Variants in KLF7 observed in about 807,000 individuals in gnomAD.
The protein encoded by KLF7 is KLF transcription factor 7.
Under a neutral mutation model 27.3 loss-of-function variants are expected in KLF7, and 2 were observed. The observed-to-expected ratio is 0.07, with a 90% CI of 0.03 to 0.23. The LOEUF is 0.23. Ranked by LOEUF, KLF7 falls within the 10% of genes least tolerant of loss-of-function variation. The probability of loss-of-function intolerance (pLI) is 1.00; values close to 1 mark genes in which losing one functional copy is unlikely to be tolerated. For synonymous variants in KLF7, 165 were observed against 162.4 expected, an observed-to-expected ratio of 1.02 and a Z score of -0.12; for missense variants, 221 against 394.1, an observed-to-expected ratio of 0.56 and a Z score of 3.72.
intron 1 of KLF7, 40 bp downstream of exon 1, chr2:207,165,427 C>A: frequency 2.5e-6 from 4 of 1,613,332 alleles, no homozygotes; most frequent in Non-Finnish European, 3.4e-6. Context: ...GCGTCTCCGC[C>A]GCCACCACAC....
chr2:207,098,164 G>A (rs2076676520), intron 2 of KLF7, among the ~76,000 whole-genome samples: 1 of 151,690 alleles, frequency 6.6e-6, no homozygotes, highest in Admixed American at 6.6e-5. Context: ...ATTTTACTTT[G>A]TTTTTGTTCT....
In KLF7 at chr2:207,074,384, C is replaced by A. The variant is rs975738875; in HGVS notation, c.*6829G>T. ...GCTGGGTTCTCTACCTTCCTCCTTA[C>A]TGGTGATGCTCTTTCCTGGAAGTCG... On this transcript the variant is annotated 3_prime_UTR_variant, in exon 4 of 4. Transcript: ENST00000309446. 1 of 152,248 alleles carries A rather than the reference C, an allele frequency of 6.6e-6. No homozygotes were observed. Among genetic ancestry groups the A allele is most frequent in the Non-Finnish European group, 1.5e-5 (1 of 68,092 alleles). 9.4% of individuals were successfully genotyped at this position (152,248 alleles called of 1,614,324 possible).
At chr2:207,146,153 A>C (rs1468827990) in intron 1 of KLF7, among the ~76,000 whole-genome samples, 1 of 152,224 alleles carries the variant, frequency 6.6e-6, no homozygotes, top group Non-Finnish European at 1.5e-5. Flanking sequence ...AGGTGAATAC[A>C]TAAAGCACAA....
chr2:207,106,613 T>C (rs2076889836), intron 2 of KLF7, among the ~76,000 whole-genome samples: 1 of 152,196 alleles, frequency 6.6e-6, no homozygotes, highest in Non-Finnish European at 1.5e-5. Flanking sequence ...CCTTTCTCCA[T>C]GAAGTTCCCC....
chr2:207,142,935 A>C (rs1193957931), intron 1 of KLF7, among the ~76,000 whole-genome samples: 1 of 152,200 alleles, frequency 6.6e-6, no homozygotes, highest in Non-Finnish European at 1.5e-5. Context: ...GTTTCTCTAG[A>C]TCTTCAGTGA....
chr2:207,143,777 G>A (rs1461094638), intron 1 of KLF7, among the ~76,000 whole-genome samples: 1 of 152,146 alleles, frequency 6.6e-6, no homozygotes, highest in African/African-American at 2.4e-5. Flanking sequence ...GACAAAATGT[G>A]CAGGCACATT....
chr2:207,124,089 A>T lies in KLF7; in HGVS notation c.418T>A (p.Ser140Thr). ...LNAVTSLTPP[S>T]SPELSRHLVK... ...AGATGGCGGCTGAGCTCAGGGGACG[A>T]TGGGGGCGTTAATGAGGTCACTGCG... The change falls in exon 2 of 4, where the codon TCG becomes ACG. Residue 140 changes from serine to threonine, a missense_variant. Ser to Thr is a moderately conservative substitution (Grantham distance 58). This residue lies in a region of KLF7 where 180 missense variants were observed against 227.9 expected (regional missense o/e 0.79). Coordinates refer to ENST00000309446, the MANE Select transcript of KLF7 (RefSeq NM_003709.4). 2 of 1,614,086 alleles carry T rather than the reference A, an allele frequency of 1.2e-6. No individual in the cohort carries two copies. Among genetic ancestry groups the T allele is most frequent in the Non-Finnish European group, 1.7e-6 (2 of 1,180,012 alleles).
At chr2:207,128,961 TTTAGA>T (rs61262639) in intron 1 of KLF7, among the ~76,000 whole-genome samples, 5,767 of 152,186 alleles carry the variant, frequency 0.038, 352 homozygotes, top group African/African-American at 0.13. Flanking sequence ...AAAGGAAGTG[TTTAGA>T]TTAGTTAATG....
At chr2:207,165,428 GCCA>G (rs760560576) in intron 1 of KLF7, 36 bp downstream of exon 1, 1 of 1,613,168 alleles carries the variant, frequency 6.2e-7, no homozygotes, top group Non-Finnish European at 8.5e-7. Context: ...CGTCTCCGCC[GCCA>G]CCACACGATT....
At chr2:207,106,092 C>T (rs1401099834) in intron 2 of KLF7, among the ~76,000 whole-genome samples, 2 of 152,056 alleles carry the variant, frequency 1.3e-5, no homozygotes, top group Non-Finnish European at 2.9e-5. Context: ...TTTAAATGTG[C>T]ATGCTAGAAA....
At chr2:207,134,806 G>T (rs915891277) in intron 1 of KLF7, among the ~76,000 whole-genome samples, 3 of 152,198 alleles carry the variant, frequency 2.0e-5, no homozygotes, top group African/African-American at 7.2e-5. Flanking sequence ...CCCCCTGGGA[G>T]AAGTTAACCC....
intron 2 of KLF7, among the ~76,000 whole-genome samples, chr2:207,093,412 C>A (rs771539540): frequency 1.3e-5 from 2 of 152,170 alleles, no homozygotes; most frequent in African/African-American, 4.8e-5. Flanking sequence ...TGCCTGCAGG[C>A]TCCCACCTCG....
intron 2 of KLF7, among the ~76,000 whole-genome samples, chr2:207,098,359 T>C (rs1473602287): frequency 2.6e-5 from 4 of 152,200 alleles, no homozygotes; most frequent in African/African-American, 9.6e-5. Context: ...AATCTTTCCC[T>C]TTCAAGATGA....
intron 1 of KLF7, among the ~76,000 whole-genome samples, chr2:207,156,974 C>T (rs1353108045): frequency 1.3e-5 from 2 of 152,106 alleles, no homozygotes; most frequent in African/African-American, 2.4e-5. Context: ...ATGCCCGGGT[C>T]CTTCCCAAAG....
At chr2:207,085,936 C>T (rs1346934085) in intron 3 of KLF7, among the ~76,000 whole-genome samples, 1 of 148,050 alleles carries the variant, frequency 6.8e-6, no homozygotes, top group Non-Finnish European at 1.5e-5. Context: ...CCAGACAAAG[C>T]CAGAAATACA....
At chr2:207,117,800 T>C (rs1412602825) in intron 2 of KLF7, among the ~76,000 whole-genome samples, 1 of 152,190 alleles carries the variant, frequency 6.6e-6, no homozygotes, top group African/African-American at 2.4e-5. Context: ...ATAAACACTC[T>C]GTCCAGAAGG....
chr2:207,173,603 T>C, the KLF7 span: 1 of 152,148 alleles, frequency 6.6e-6, no homozygotes, highest in African/African-American at 2.4e-5. Context: ...TGTGGGCATA[T>C]TACAGTTTAA....
intron 2 of KLF7, among the ~76,000 whole-genome samples, chr2:207,097,121 T>G (rs867843860): frequency 1.6e-4 from 25 of 152,140 alleles, no homozygotes; most frequent in African/African-American, 5.8e-4. Flanking sequence ...ATTGCTGTAG[T>G]GGGGAAATAA....
chr2:207,102,698 T>C (rs1441044400), intron 2 of KLF7, among the ~76,000 whole-genome samples: 2 of 152,204 alleles, frequency 1.3e-5, no homozygotes, highest in Non-Finnish European at 2.9e-5. Context: ...CATTAAAGGC[T>C]TTTTAAAAAG....
Sources: allele counts gnomAD v4.1 joint callset (sites outside exome capture counted in the v4.1 genomes callset), GRCh38; gene constraint gnomAD v4.1.1; regional missense constraint gnomAD v4.1.1; transcripts MANE v1.5; gene names NCBI Gene and HGNC (gene_info 2026-07-23, HGNC 2026-07-21).